DCHS2: variants seen among roughly 807,000 people sequenced by gnomAD.
DCHS2 encodes the protein protocadherin-23.
In DCHS2, 142 loss-of-function variants were observed where a neutral mutation model predicts 182.4. That is an observed-to-expected ratio of 0.78 (90% CI 0.68 to 0.89). The LOEUF (loss-of-function observed/expected upper bound fraction) is 0.89, where lower values mean the gene tolerates loss of function less well. DCHS2 is among the 40% of genes least tolerant of loss of function. The probability of loss-of-function intolerance (pLI) is 0.00; values close to 1 mark genes in which losing one functional copy is unlikely to be tolerated. For missense variants in DCHS2, 4,319 were observed against 4,198.6 expected (o/e 1.03, Z -0.79); for synonymous variants, 1,740 against 1,663.3 (o/e 1.05, Z -1.12).
intron 9 of DCHS2, 143 bp downstream of exon 9, chr4:154,320,236 T>G (rs373749729): frequency 7.5e-7 from 1 of 1,340,368 alleles, no homozygotes; most frequent in South Asian, 1.6e-5. Context: ...GTAAATAATA[T>G]CTAGAGATAC....
At chr4:154,414,741 A>C (rs1732766312) in intron 1 of DCHS2, among the ~76,000 whole-genome samples, 1 of 152,182 alleles carries the variant, frequency 6.6e-6, no homozygotes, top group African/African-American at 2.4e-5. Context: ...ATGAATATGT[A>C]AAAGTTGATT....
chr4:154,386,520 A>G (rs1731427418), intron 1 of DCHS2, among the ~76,000 whole-genome samples: 1 of 151,960 alleles, frequency 6.6e-6, no homozygotes, highest in Non-Finnish European at 1.5e-5. Flanking sequence ...TGCTTTCTTC[A>G]GAGAACTTAT....
At chr4:154,485,850 C>T (rs768073466) in intron 1 of DCHS2, among the ~76,000 whole-genome samples, 1 of 152,182 alleles carries the variant, frequency 6.6e-6, no homozygotes, top group Non-Finnish European at 1.5e-5. Flanking sequence ...GCTGCAAATG[C>T]AGCTCACAAC....
intron 9 of DCHS2, among the ~76,000 whole-genome samples, chr4:154,320,037 C>G (rs1735997344): frequency 6.6e-6 from 1 of 152,072 alleles, no homozygotes; most frequent in African/African-American, 2.4e-5. Flanking sequence ...CAAGATGTGA[C>G]AGTATGGATA....
chr4:154,253,255 A>G (rs1578861914), intron 16 of DCHS2, among the ~76,000 whole-genome samples: 1 of 151,760 alleles, frequency 6.6e-6, no homozygotes, highest in East Asian at 1.9e-4. Flanking sequence ...AGGGGGTTCA[A>G]CTTTTCTCAG....
chr4:154,446,771 GA>G (rs373036942), intron 1 of DCHS2, among the ~76,000 whole-genome samples: 2 of 150,858 alleles, frequency 1.3e-5, no homozygotes, highest in Admixed American at 6.6e-5. Context: ...TTACTGGCTA[GA>G]AAAAAAAAGG....
At chr4:154,328,985 T>C (rs79698611) in intron 6 of DCHS2, among the ~76,000 whole-genome samples, 4,214 of 152,280 alleles carry the variant, frequency 0.028, 181 homozygotes, top group African/African-American at 0.094. Flanking sequence ...TGAACTGATA[T>C]TCTAATTTAT....
intron 1 of DCHS2, among the ~76,000 whole-genome samples, chr4:154,479,567 G>A (rs1457053217): frequency 1.3e-5 from 2 of 152,148 alleles, no homozygotes; most frequent in Admixed American, 6.5e-5. Flanking sequence ...AAGATATTAT[G>A]AATTTAGATT....
intron 13 of DCHS2, among the ~76,000 whole-genome samples, chr4:154,278,008 T>C (rs1315912353): frequency 1.4e-5 from 2 of 145,028 alleles, no homozygotes; most frequent in Non-Finnish European, 3.0e-5. Flanking sequence ...ACCACTGCAC[T>C]CCAGCCTGGG....
chr4:154,467,220 A>C (rs1414377353), intron 1 of DCHS2, among the ~76,000 whole-genome samples: 1 of 152,192 alleles, frequency 6.6e-6, no homozygotes. Flanking sequence ...TAGAATAGAA[A>C]ATAATTTATA....
chr4:154,435,600 A>G (rs1733746376), intron 1 of DCHS2, among the ~76,000 whole-genome samples: 1 of 152,130 alleles, frequency 6.6e-6, no homozygotes. Context: ...CATCTCAAAA[A>G]AAAAAAAAAT....
intron 13 of DCHS2, among the ~76,000 whole-genome samples, chr4:154,275,181 A>G (rs1733786469): frequency 6.6e-6 from 1 of 152,114 alleles, no homozygotes; most frequent in African/African-American, 2.4e-5. Flanking sequence ...TGTAAATATT[A>G]AAGGAAACAA....
intron 2 of DCHS2, among the ~76,000 whole-genome samples, chr4:154,371,227 A>G (rs1213116078): frequency 6.6e-6 from 1 of 152,008 alleles, no homozygotes; most frequent in African/African-American, 2.4e-5. Flanking sequence ...GAGGAGAAGT[A>G]TCTATGGTAT....
chr4:154,487,354 T>C (rs1258240397), intron 1 of DCHS2, among the ~76,000 whole-genome samples: 1 of 152,196 alleles, frequency 6.6e-6, no homozygotes, highest in Non-Finnish European at 1.5e-5. Context: ...TGGCGGAAGT[T>C]GTGTAAGTCA....
At chr4:154,482,744 T>C (rs1308509983) in intron 1 of DCHS2, among the ~76,000 whole-genome samples, 1 of 152,118 alleles carries the variant, frequency 6.6e-6, no homozygotes, top group Non-Finnish European at 1.5e-5. Context: ...GATAGATGGA[T>C]GGGAGAATAT....
At chr4:154,287,462 G>T (rs986872252) in intron 13 of DCHS2, among the ~76,000 whole-genome samples, 3 of 152,074 alleles carry the variant, frequency 2.0e-5, no homozygotes, top group Admixed American at 1.3e-4. Context: ...AAAAGTGAGG[G>T]AGCAAAGTTA....
At chr4:154,451,767 T>C (rs1248681043) in intron 1 of DCHS2, among the ~76,000 whole-genome samples, 1 of 152,144 alleles carries the variant, frequency 6.6e-6, no homozygotes, top group Non-Finnish European at 1.5e-5. Context: ...AATGGCCAAA[T>C]GTACAGTTCT....
At chr4:154,321,263 T>C (rs762996614) in intron 8 of DCHS2, 41 bp from the exon 9 acceptor site, 2 of 1,436,704 alleles carry the variant, frequency 1.4e-6, no homozygotes, top group Non-Finnish European at 1.8e-6. Context: ...GGGGTATTTT[T>C]AAAACAGTTT....
In DCHS2 at chr4:154,236,496, G is replaced by C. The variant is rs551448428; in HGVS notation, c.8156C>G (p.Thr2719Ser). The change falls in exon 20 of 20, where the codon ACT (threonine) becomes AGT (serine). Residue 2719 changes from threonine (T) to serine (S), a missense_variant. Coordinates refer to ENST00000357232, the MANE Select transcript of DCHS2 (RefSeq NM_001358235.2). Reference protein sequence around the residue: ...EKGHFYLEENTGVLYLIKPLD... With the variant: ...EKGHFYLEENSGVLYLIKPLD... ...AGGTTTAATCAAATAAAGAACTCCA[G>C]TGTTTTCTTCTAAGTAAAAATGTCC... The C allele has an allele frequency of 1.2e-6, 2 of 1,614,004 alleles. No individual in the cohort carries two copies. The highest frequency in any genetic ancestry group is 2.2e-5 in the South Asian group (2 of 91,074).
Sources: gnomAD v4.1 joint callset for allele counts (sites outside exome capture counted in the v4.1 genomes callset) on GRCh38, gnomAD v4.1.1 for gene constraint, MANE v1.5 for transcripts, NCBI Gene and HGNC (gene_info 2026-07-23, HGNC 2026-07-21) for gene names.